MBD5: variants seen among roughly 807,000 people sequenced by gnomAD.
The protein encoded by MBD5 is methyl-CpG-binding domain protein 5.
In MBD5, 13 loss-of-function variants were observed where a neutral mutation model predicts 117.3. The observed-to-expected ratio is 0.11, with a 90% CI of 0.07 to 0.18. The LOEUF (loss-of-function observed/expected upper bound fraction) is 0.18. MBD5 is among the 10% of genes least tolerant of loss of function. MBD5 has a pLI of 1.00. For missense variants in MBD5, 1,879 were observed against 2,093.8 expected (o/e 0.90, Z 2.00); for synonymous variants, 727 against 766.4 (o/e 0.95, Z 0.85).
intron 1 of MBD5, among the ~76,000 whole-genome samples, chr2:148,175,315 T>G (rs1698358218): frequency 6.6e-6 from 1 of 152,170 alleles, no homozygotes. Context: ...TTGAAAATGT[T>G]TTAAAACCAC....
At chr2:148,239,686 T>TACACACACACAC (rs34980624) in intron 3 of MBD5, among the ~76,000 whole-genome samples, 3,738 of 141,520 alleles carry the variant, frequency 0.026, 94 homozygotes, top group East Asian at 0.059. Flanking sequence ...TTTATTTACT[T>TACACACACACAC]ACACACACAC....
At chr2:148,142,629 A>C (rs1359212367) in intron 1 of MBD5, among the ~76,000 whole-genome samples, 1 of 152,154 alleles carries the variant, frequency 6.6e-6, no homozygotes, top group Non-Finnish European at 1.5e-5. Flanking sequence ...ACACATAGAC[A>C]AATGAAAGCA....
At chr2:148,176,596 A>G (rs1698396604) in intron 1 of MBD5, among the ~76,000 whole-genome samples, 1 of 151,762 alleles carries the variant, frequency 6.6e-6, no homozygotes, top group African/African-American at 2.4e-5. Context: ...TTTAGTAGAG[A>G]CAGGGTTTCA....
intron 4 of MBD5, among the ~76,000 whole-genome samples, chr2:148,385,086 T>C (rs148290139): frequency 0.22 from 33,301 of 152,006 alleles, 4,354 homozygotes; most frequent in African/African-American, 0.36. Flanking sequence ...CCAAAAGCAA[T>C]GGCAACAAAA....
chr2:148,092,815 A>T (rs140548558), intron 1 of MBD5, among the ~76,000 whole-genome samples: 3 of 678 alleles, frequency 4.4e-3, no homozygotes, highest in Non-Finnish European at 0.14. Context: ...TTTGAAATTA[A>T]AAAAAAAAAA....
rs141340872 is a variant in MBD5, at chr2:148,095,743, A to G, written c.-925+74059A>G. 1.9e-4 allele frequency among the ~76,000 whole-genome samples: 29 copies of G among 151,366 alleles called. No homozygotes were observed. In the East Asian group the frequency reaches 5.6e-3, roughly 29 times the overall value. ...ATTCTGAGTTAGTTTTTTTTTTTTAACTTTTCTGGCTACCTTCATCAGACT... is the reference window on the plus strand; with the variant it reads ...ATTCTGAGTTAGTTTTTTTTTTTTAGCTTTTCTGGCTACCTTCATCAGACT... On this transcript the variant is annotated intron_variant, in intron 1 of 13. Coordinates refer to ENST00000642680, the MANE Select transcript of MBD5 (RefSeq NM_001378120.1).
intron 1 of MBD5, among the ~76,000 whole-genome samples, chr2:148,039,978 C>T (rs1289160573): frequency 6.6e-6 from 1 of 152,086 alleles, no homozygotes; most frequent in African/African-American, 2.4e-5. Context: ...AAGCACCCTA[C>T]TCCATTCAGC....
chr2:148,279,570 C>T (rs1701193982), intron 3 of MBD5, among the ~76,000 whole-genome samples: 1 of 152,150 alleles, frequency 6.6e-6, no homozygotes, highest in African/African-American at 2.4e-5. Context: ...AAGATGACAC[C>T]CACAATCCAC....
chr2:148,344,262 T>G (rs566649049), intron 4 of MBD5, among the ~76,000 whole-genome samples: 17,702 of 152,054 alleles, frequency 0.12, 1,345 homozygotes, highest in Non-Finnish European at 0.18. Flanking sequence ...CTTTCAGATT[T>G]GTTCTTTTTG....
intron 1 of MBD5, among the ~76,000 whole-genome samples, chr2:148,138,447 A>T (rs1351795806): frequency 1.3e-5 from 2 of 152,250 alleles, no homozygotes; most frequent in African/African-American, 2.4e-5. Context: ...TTTGGAATAA[A>T]TCTTATTCTT....
chr2:148,434,642 T>C (rs1331904896), intron 4 of MBD5, among the ~76,000 whole-genome samples: 5 of 152,168 alleles, frequency 3.3e-5, no homozygotes, highest in Non-Finnish European at 4.4e-5. Context: ...ATTTTGGTTC[T>C]TTGCATTTGC....
intron 4 of MBD5, among the ~76,000 whole-genome samples, chr2:148,421,979 G>A (rs891609472): frequency 6.6e-6 from 1 of 152,200 alleles, no homozygotes; most frequent in Non-Finnish European, 1.5e-5. Flanking sequence ...CACAGCACCT[G>A]GGGGAAGGGG....
intron 1 of MBD5, among the ~76,000 whole-genome samples, chr2:148,156,132 T>G (rs1340937917): frequency 6.6e-6 from 1 of 152,268 alleles, no homozygotes; most frequent in Non-Finnish European, 1.5e-5. Context: ...TTAAAGTATT[T>G]GGTTGATTAA....
intron 8 of MBD5, among the ~76,000 whole-genome samples, chr2:148,473,225 G>T (rs575077972): frequency 6.6e-6 from 1 of 152,206 alleles, no homozygotes; most frequent in African/African-American, 2.4e-5. Flanking sequence ...CAGTGCAGAA[G>T]AAGAAATACC....
Position 148,278,242 on chromosome 2 carries a change from ACT to A in MBD5, c.-680+44850_-680+44851del, listed in dbSNP as rs577562806. On this transcript the variant is annotated intron_variant, in intron 3 of 13. Transcript: ENST00000642680. ...TGTGATCAGAGGGCTGGTTTATATG[ACT>A]CTGATTGTTTGGCACTTATTTGGGC... 1.1e-3 allele frequency among the ~76,000 whole-genome samples: 174 copies of A among 151,332 alleles called. 1 individual carries two copies. Among genetic ancestry groups the A allele is most frequent in the Non-Finnish European group, 1.8e-3 (120 of 67,766 alleles).
intron 1 of MBD5, among the ~76,000 whole-genome samples, chr2:148,084,844 C>T (rs1695738109): frequency 6.6e-6 from 1 of 152,104 alleles, no homozygotes; most frequent in African/African-American, 2.4e-5. Flanking sequence ...AAATCCACTC[C>T]CTAACTCTGT....
At position 148,227,672 on chromosome 2, in the gene MBD5, G is replaced by C. The variant is rs182852021; in HGVS notation, c.-830-5573G>C. Among the ~76,000 whole-genome samples the C allele has an allele frequency of 3.7e-3, 569 of 152,258 alleles. 3 individuals carry two copies. Among genetic ancestry groups the C allele is most frequent in the African/African-American group, 0.013 (529 of 41,530 alleles). On this transcript the variant is annotated intron_variant, in intron 2 of 13. Coordinates refer to ENST00000642680, the MANE Select transcript of MBD5 (RefSeq NM_001378120.1). ...GAAGAAAGTCTTTGGTAGCTTGATG[G>C]GGATGGCATTGAATCTATAAATTAC...
intron 2 of MBD5, among the ~76,000 whole-genome samples, chr2:148,191,609 T>TGTGTAGAGG (rs1303520816): frequency 2.7e-5 from 2 of 75,212 alleles, no homozygotes; most frequent in African/African-American, 1.1e-4. Flanking sequence ...TTGAAAGCAG[T>TGTGTAGAGG]GTGTAGAGGG....
intron 8 of MBD5, among the ~76,000 whole-genome samples, chr2:148,482,249 G>A (rs1681179934): frequency 6.6e-6 from 1 of 152,084 alleles, no homozygotes; most frequent in South Asian, 2.1e-4. Context: ...TGGCAAAGAA[G>A]TGTTAATAAG....
Sources: gnomAD v4.1 joint callset for allele counts (sites outside exome capture counted in the v4.1 genomes callset) on GRCh38, gnomAD v4.1.1 for gene constraint, MANE v1.5 for transcripts, NCBI Gene and HGNC (gene_info 2026-07-23, HGNC 2026-07-21) for gene names.